The following SEMA5B variants were observed in gnomAD, a reference collection of about 807,000 sequenced individuals.
SEMA5B encodes the protein semaphorin-5B.
SEMA5B carries 66 observed loss-of-function variants against 135.0 expected under a neutral mutation model. The observed-to-expected ratio is 0.49, with a 90% confidence interval of 0.40 to 0.60. SEMA5B has a LOEUF of 0.60. SEMA5B is among the 20% of genes least tolerant of loss of function. The pLI is 0.00. For missense variants in SEMA5B, 1,501 were observed against 1,566.3 expected (o/e 0.96, Z 0.70); for synonymous variants, 690 against 639.5 (o/e 1.08, Z -1.19).
intron 2 of SEMA5B, among the ~76,000 whole-genome samples, chr3:122,955,446 T>A (rs970580654): frequency 9.9e-5 from 15 of 152,262 alleles, no homozygotes; most frequent in African/African-American, 3.6e-4. Flanking sequence ...GCTTTTCACA[T>A]CTCAATTATA....
chr3:123,012,073 A>T (rs1942448553), intron 1 of SEMA5B, among the ~76,000 whole-genome samples: 1 of 152,204 alleles, frequency 6.6e-6, no homozygotes, highest in Admixed American at 6.5e-5. Flanking sequence ...GCCGTGGCCT[A>T]GGTTCAAATC....
At chr3:122,918,861 A>G (rs1938204058) in intron 12 of SEMA5B, among the ~76,000 whole-genome samples, 1 of 152,236 alleles carries the variant, frequency 6.6e-6, no homozygotes, top group Non-Finnish European at 1.5e-5. Context: ...CTTACAGAGC[A>G]GGGAACACTC....
chr3:122,941,629 T>C (rs1397328734), intron 4 of SEMA5B, among the ~76,000 whole-genome samples: 1 of 152,258 alleles, frequency 6.6e-6, no homozygotes, highest in Non-Finnish European at 1.5e-5. Context: ...ACATATAAAA[T>C]AGTGCCTGGC....
chr3:122,953,231 G>A (rs927495217), intron 2 of SEMA5B, among the ~76,000 whole-genome samples: 1 of 151,686 alleles, frequency 6.6e-6, no homozygotes, highest in Non-Finnish European at 1.5e-5. Context: ...CCACCCTCCC[G>A]CTAACCTGTG....
intron 1 of SEMA5B, among the ~76,000 whole-genome samples, chr3:123,017,309 C>T (rs1471844383): frequency 6.6e-6 from 1 of 151,930 alleles, no homozygotes; most frequent in Non-Finnish European, 1.5e-5. Context: ...ATTTAATCTT[C>T]CTTTAAACAC....
chr3:122,983,303 T>C (rs1276430981), intron 1 of SEMA5B, among the ~76,000 whole-genome samples: 1 of 152,160 alleles, frequency 6.6e-6, no homozygotes, highest in Admixed American at 6.5e-5. Context: ...TCTGTCCTCA[T>C]GTCACTTATT....
intron 3 of SEMA5B, among the ~76,000 whole-genome samples, chr3:122,945,741 A>G (rs1939759536): frequency 1.3e-5 from 2 of 148,946 alleles, no homozygotes; most frequent in Non-Finnish European, 3.0e-5. Flanking sequence ...CCATCTGGGG[A>G]CTTCCCAGCT....
chr3:122,987,943 C>CT (rs1286154047), intron 1 of SEMA5B, among the ~76,000 whole-genome samples: 1 of 151,978 alleles, frequency 6.6e-6, no homozygotes, highest in Non-Finnish European at 1.5e-5. Flanking sequence ...TCACTGGTTA[C>CT]TTACCGCAAG....
At chr3:122,938,722 G>A (rs12492372) in intron 5 of SEMA5B, among the ~76,000 whole-genome samples, 22,229 of 152,132 alleles carry the variant, frequency 0.15, 1,974 homozygotes, top group East Asian at 0.35. Context: ...TCCTAGACAT[G>A]AGAATTGAGG....
chr3:122,934,224 T>A (rs7636881), intron 5 of SEMA5B, among the ~76,000 whole-genome samples: 62,011 of 151,596 alleles, frequency 0.41, 13,107 homozygotes, highest in East Asian at 0.68. Flanking sequence ...TTTGTTTTTA[T>A]AGAAGTAGCC....
intron 21 of SEMA5B, 81 bp from the exon 22 acceptor site, chr3:122,911,126 C>T: frequency 1.6e-6 from 2 of 1,278,570 alleles, no homozygotes; most frequent in Non-Finnish European, 2.2e-6. Flanking sequence ...GGAGCAGAAA[C>T]AGCAACAGGA....
At chr3:122,914,658 G>A (rs1437639547) in intron 14 of SEMA5B, among the ~76,000 whole-genome samples, 1 of 152,330 alleles carries the variant, frequency 6.6e-6, no homozygotes, top group South Asian at 2.1e-4. Flanking sequence ...CCAAGGCTGG[G>A]TGTGGTGGCT....
chr3:122,983,357 T>TA (rs961849162), intron 1 of SEMA5B, among the ~76,000 whole-genome samples: 5 of 152,082 alleles, frequency 3.3e-5, no homozygotes, highest in African/African-American at 1.2e-4. Flanking sequence ...CAGTCTAACT[T>TA]AATTTTTTTC....
intron 4 of SEMA5B, 84 bp from the exon 5 acceptor site, chr3:122,939,554 G>A (rs779985624): frequency 3.4e-5 from 35 of 1,037,818 alleles, no homozygotes; most frequent in Non-Finnish European, 4.4e-5. Context: ...TGGGCCTCCT[G>A]GGACGCCAGG....
chr3:122,977,668 T>C (rs999925334), intron 1 of SEMA5B, among the ~76,000 whole-genome samples: 4 of 152,196 alleles, frequency 2.6e-5, no homozygotes, highest in African/African-American at 9.7e-5. Context: ...ACCAAATATC[T>C]GGGCACAGTG....
chr3:122,980,640 T>C (rs1463313497), intron 1 of SEMA5B, among the ~76,000 whole-genome samples: 1 of 152,182 alleles, frequency 6.6e-6, no homozygotes, highest in Non-Finnish European at 1.5e-5. Flanking sequence ...CAAATTATTA[T>C]TATTTTTATT....
At position 122,910,162 on chromosome 3, in the gene SEMA5B, C is replaced by T. The variant is rs201571122; in HGVS notation, c.3437G>A (p.Arg1146Gln). The T allele has an allele frequency of 6.1e-5, 99 of 1,614,010 alleles. No individual in the cohort carries two copies. The highest frequency in any genetic ancestry group is 8.0e-5 in the African/African-American group (6 of 74,936). The change falls in exon 23 of 23, where the codon CGG becomes CAG. Residue 1146 changes from arginine to glutamine, a missense_variant. This residue lies in a region of SEMA5B where 927 missense variants were observed against 881.6 expected (regional missense o/e 1.05). Transcript: ENST00000357599. The stretch of plus-strand genomic sequence containing the variant: ...GCGGTATCAGCTGTTGGGGAAGCAC[C>T]GTTGTCCAGGTGAGGCCTCGGGCCG... ...SFRPEASPGQ[R>Q]CFPNS
intron 1 of SEMA5B, among the ~76,000 whole-genome samples, chr3:122,995,436 C>T (rs1942002012): frequency 6.6e-6 from 1 of 152,164 alleles, no homozygotes; most frequent in Non-Finnish European, 1.5e-5. Context: ...GTGGCCACAC[C>T]CTGCCACACT....
rs572609869 is a variant in SEMA5B, at chr3:122,929,867, A to G, written c.475-809T>C. The stretch of plus-strand genomic sequence containing the variant: ...TGGCATTAGGAGAGGGCTGTCCCCA[A>G]CCCAGGATCTCTTCTTCCCCTTCAT... On this transcript the variant is annotated intron_variant, in intron 5 of 22. Coordinates refer to ENST00000357599, the MANE Select transcript of SEMA5B (RefSeq NM_001031702.4). Among the ~76,000 whole-genome samples, 3 of 152,250 alleles carry G rather than the reference A, an allele frequency of 2.0e-5. No individual in the cohort carries two copies. The South Asian group carries it at 6.2e-4, about 32-fold the overall frequency.
Sources: gnomAD v4.1 joint callset for allele counts (sites outside exome capture counted in the v4.1 genomes callset) on GRCh38, gnomAD v4.1.1 for gene constraint, gnomAD v4.1.1 regional missense constraint, MANE v1.5 for transcripts, NCBI Gene and HGNC (gene_info 2026-07-23, HGNC 2026-07-21) for gene names.